The following RBPJ variants were observed in gnomAD, a reference collection of about 807,000 sequenced individuals.
RBPJ encodes the protein recombining binding protein suppressor of hairless.
In RBPJ, 9 loss-of-function variants were observed where a neutral mutation model predicts 67.8. The observed-to-expected ratio is 0.13, with a 90% CI of 0.08 to 0.23. RBPJ has a LOEUF of 0.23. Ranked by LOEUF, RBPJ falls within the 10% of genes least tolerant of loss-of-function variation. RBPJ has a pLI of 1.00. For missense variants in RBPJ, 305 were observed against 595.6 expected (o/e 0.51, Z 5.08); for synonymous variants, 198 against 203.3 (o/e 0.97, Z 0.22).
At chr4:26,251,847 C>CAAAAAAAAAA (rs769291407) in intron 1 of RBPJ, among the ~76,000 whole-genome samples, 1 of 49,466 alleles carries the variant, frequency 2.0e-5, no homozygotes, top group Non-Finnish European at 3.6e-5. Flanking sequence ...GACTCCGTCT[C>CAAAAAAAAAA]AAAAAAAAAA....
intron 1 of RBPJ, among the ~76,000 whole-genome samples, chr4:26,179,606 C>T (rs1311720056): frequency 1.3e-5 from 2 of 152,020 alleles, no homozygotes; most frequent in East Asian, 3.9e-4. Flanking sequence ...CAAATCAAAA[C>T]CACAATGAGT....
chr4:26,201,779 A>G (rs1257644817), intron 1 of RBPJ, among the ~76,000 whole-genome samples: 1 of 152,216 alleles, frequency 6.6e-6, no homozygotes, highest in East Asian at 1.9e-4. Context: ...CAAAAGAGCC[A>G]AGAGTTGCCA....
rs1176868308 is a variant in RBPJ at position 26,420,630 on chromosome 4, A to G, written c.401A>G (p.Tyr134Cys). Residue 134 changes from tyrosine to cysteine, a missense_variant, in exon 5 of 11, where the codon TAT becomes TGT. By Grantham distance (194) the Tyr-to-Cys change is radical (BLOSUM62 -2). Around this residue, in one of 7 missense-constraint regions of RBPJ, gnomAD observed 79 missense variants for 106.2 expected, o/e 0.74. Transcript: ENST00000355476. The stretch of plus-strand genomic sequence containing the variant: ...TTCATGTTGTCTGTAAAGATGTTCT[A>G]TGGCAACAGTGATGACATTGGTGTG... ...KHFMLSVKMF[Y>C]GNSDDIGVFL... 14 of 1,613,860 alleles carry G rather than the reference A, an allele frequency of 8.7e-6. No homozygotes were observed. Among genetic ancestry groups the G allele is most frequent in the African/African-American group, 1.3e-5 (1 of 74,926 alleles).
chr4:26,115,094 A>G, the RBPJ span, among the ~76,000 whole-genome samples: 1 of 152,206 alleles, frequency 6.6e-6, no homozygotes, highest in African/African-American at 2.4e-5. Flanking sequence ...AGCTTGTGGC[A>G]GTATTTACAC....
chr4:26,110,655 A>G, the RBPJ span, among the ~76,000 whole-genome samples: 2 of 152,234 alleles, frequency 1.3e-5, no homozygotes, highest in South Asian at 4.1e-4. The surrounding 1 kb of genome is among the most constrained non-coding windows in gnomAD (Gnocchi z 4.5). Context: ...GGGCATGAAC[A>G]AGTGACAAAG....
intron 1 of RBPJ, among the ~76,000 whole-genome samples, chr4:26,314,184 G>A (rs1176490191): frequency 2.0e-5 from 3 of 151,700 alleles, no homozygotes; most frequent in Non-Finnish European, 4.4e-5. Context: ...TGATCTTTCC[G>A]CAAAAGTACA....
intron 1 of RBPJ, among the ~76,000 whole-genome samples, chr4:26,287,765 A>G (rs1387921721): frequency 6.8e-6 from 1 of 146,950 alleles, no homozygotes; most frequent in African/African-American, 2.5e-5. Context: ...GCAGGACAGA[A>G]GAACGCAGGC....
the RBPJ span, among the ~76,000 whole-genome samples, chr4:26,137,501 G>A: frequency 2.6e-5 from 4 of 152,194 alleles, no homozygotes; most frequent in African/African-American, 7.2e-5. Context: ...GCCCATCAGA[G>A]TACTATGGAG....
intron 1 of RBPJ, among the ~76,000 whole-genome samples, chr4:26,219,579 A>G (rs1308917078): frequency 6.6e-6 from 1 of 152,190 alleles, no homozygotes; most frequent in Non-Finnish European, 1.5e-5. Flanking sequence ...CCTATGAATA[A>G]AAAGTGAACG....
chr4:26,229,324 G>A (rs747079478), intron 1 of RBPJ, among the ~76,000 whole-genome samples: 1 of 152,170 alleles, frequency 6.6e-6, no homozygotes. Flanking sequence ...CCTCTGGAGT[G>A]TATCAGTGTG....
intron 1 of RBPJ, among the ~76,000 whole-genome samples, chr4:26,299,825 C>A (rs1306872189): frequency 6.6e-6 from 1 of 151,732 alleles, no homozygotes; most frequent in East Asian, 1.9e-4. Flanking sequence ...ATTACAGATG[C>A]CTGCCACCAC....
intron 1 of RBPJ, among the ~76,000 whole-genome samples, chr4:26,288,299 G>A (rs1260549235): frequency 3.9e-5 from 6 of 152,334 alleles, no homozygotes; most frequent in Middle Eastern, 3.4e-3. Context: ...ACAGTCTTCT[G>A]AAAATTTGAC....
At chr4:26,287,066 C>T (rs1312436895) in intron 1 of RBPJ, among the ~76,000 whole-genome samples, 1 of 152,128 alleles carries the variant, frequency 6.6e-6, no homozygotes, top group Non-Finnish European at 1.5e-5. Flanking sequence ...GGATTACAGG[C>T]GTGAGCCGCC....
rs1049575904 is a variant in RBPJ at position 26,210,662 on chromosome 4, T to TTTTCTTTC, written c.-167+47065_-167+47072dup. Among the ~76,000 whole-genome samples the TTTTCTTTC allele has an allele frequency of 2.1e-3, 62 of 30,056 alleles. 4 individuals carry two copies. Among genetic ancestry groups the TTTTCTTTC allele is most frequent in the African/African-American group, 7.6e-3 (57 of 7,524 alleles). 19.7% of individuals were successfully genotyped at this position (30,056 alleles called of 152,430 possible). A position where few individuals can be genotyped will look rare whatever the true frequency, so the allele number is the denominator to read the frequency against. ...AACCCTTAAGCCAGCTTTCTTTCTTTTTTCTTTCTTTCTTTCTTTCTTTCC... is the reference window on the plus strand; with the variant it reads ...AACCCTTAAGCCAGCTTTCTTTCTTTTTTCTTTCTTTCTTTCTTTCTTTCTTTCTTTCC... On this transcript the variant is annotated intron_variant, in intron 1 of 4. Coordinates refer to the RBPJ transcript ENST00000512351.
chr4:26,263,998 C>G (rs1053070405), intron 1 of RBPJ, among the ~76,000 whole-genome samples: 1 of 152,122 alleles, frequency 6.6e-6, no homozygotes, highest in Admixed American at 6.5e-5. Context: ...TCTCAGCCTC[C>G]TGAGTAGCTG....
intron 1 of RBPJ, among the ~76,000 whole-genome samples, chr4:26,327,368 A>G (rs1375027887): frequency 6.6e-6 from 1 of 152,128 alleles, no homozygotes; most frequent in Non-Finnish European, 1.5e-5. Context: ...TTTCAGTCAT[A>G]TTGGTGAAGT....
chr4:26,106,196 T>C, the RBPJ span, among the ~76,000 whole-genome samples: 1 of 152,234 alleles, frequency 6.6e-6, no homozygotes, highest in Non-Finnish European at 1.5e-5. Flanking sequence ...CCCGCCTTTT[T>C]GTGTGTCTGC....
chr4:26,242,705 TAAAAA>T (rs1025631996), intron 1 of RBPJ, among the ~76,000 whole-genome samples: 47 of 100,408 alleles, frequency 4.7e-4, no homozygotes, highest in African/African-American at 1.5e-3. Flanking sequence ...CACTCATAGT[TAAAAA>T]AAAAAAAAAA....
chr4:26,270,381 G>GAAAGAAAGAAAGAAAGAAAGAAAGA (rs1720848112), intron 1 of RBPJ, among the ~76,000 whole-genome samples: 1 of 49,422 alleles, frequency 2.0e-5, no homozygotes, highest in Non-Finnish European at 4.5e-5. Context: ...AAGAAAGAAA[G>GAAAGAAAGAAAGAAAGAAAGAAAGA]AAAGAAAGAA....
Sources: gnomAD v4.1 joint callset for allele counts (sites outside exome capture counted in the v4.1 genomes callset) on GRCh38, gnomAD v4.1.1 for gene constraint, gnomAD v4.1.1 regional missense constraint, Gnocchi (gnomAD v3.1) non-coding constraint, MANE v1.5 for transcripts, NCBI Gene and HGNC (gene_info 2026-07-23, HGNC 2026-07-21) for gene names.